The following TNR variants were observed in gnomAD, a reference collection of about 807,000 sequenced individuals.
TNR encodes the protein tenascin-R.
Under a neutral mutation model 150.4 loss-of-function variants are expected in TNR, and 45 were observed. The ratio of observed to expected loss-of-function variants is 0.30; its 90% confidence interval spans 0.24 to 0.38. TNR has a LOEUF of 0.38. Among genes scored for constraint, TNR ranks in the 10% least tolerant of loss-of-function variants. TNR has a pLI of 1.00. For synonymous variants in TNR, 687 were observed against 678.4 expected, an observed-to-expected ratio of 1.01 and a Z score of -0.20; for missense variants, 1,544 against 1,759.1, an observed-to-expected ratio of 0.88 and a Z score of 2.19.
intron 2 of TNR, among the ~76,000 whole-genome samples, chr1:175,426,414 C>T (rs1408010747): frequency 6.6e-6 from 1 of 152,152 alleles, no homozygotes; most frequent in African/African-American, 2.4e-5. Context: ...AGCCTCTGCA[C>T]TCTTATGACT....
At chr1:175,398,341 A>G (rs1217420057) in intron 4 of TNR, among the ~76,000 whole-genome samples, 3 of 152,266 alleles carry the variant, frequency 2.0e-5, no homozygotes, top group Non-Finnish European at 4.4e-5. Context: ...CAAAACAAAA[A>G]TTAAAAAAAA....
intron 7 of TNR, among the ~76,000 whole-genome samples, chr1:175,387,104 C>T (rs1220675258): frequency 5.9e-5 from 9 of 152,220 alleles, no homozygotes; most frequent in Non-Finnish European, 8.8e-5. Flanking sequence ...TCCTGCAGGG[C>T]CCACCAGCTG....
At position 175,334,607 on chromosome 1, in the gene TNR, CAT is replaced by C. The variant is rs556985646; in HGVS notation, c.3631+1102_3631+1103del. The stretch of plus-strand genomic sequence containing the variant: ...AGTGACCCCACCTGGACCAGTGACA[CAT>C]GACTCAACTGGGCCTGCAGCCCCCA... On this transcript the variant is annotated intron_variant, in intron 20 of 22. Coordinates refer to ENST00000367674, the MANE Select transcript of TNR (RefSeq NM_003285.3). Among the ~76,000 whole-genome samples, 128 of 152,338 alleles carry C rather than the reference CAT, an allele frequency of 8.4e-4. 2 individuals carry two copies. The highest frequency in any genetic ancestry group is 3.0e-3 in the African/African-American group (123 of 41,574).
intron 2 of TNR, among the ~76,000 whole-genome samples, chr1:175,510,737 T>G (rs1659135860): frequency 6.6e-6 from 1 of 152,220 alleles, no homozygotes; most frequent in Non-Finnish European, 1.5e-5. Flanking sequence ...GTTTATTCTA[T>G]AAATCCAGGA....
chr1:175,456,690 A>C (rs965946885), intron 2 of TNR, among the ~76,000 whole-genome samples: 1 of 152,184 alleles, frequency 6.6e-6, no homozygotes, highest in Non-Finnish European at 1.5e-5. Flanking sequence ...AACAAAATGT[A>C]TGGCCCATGT....
At chr1:175,338,809 C>T (rs1325806877) in intron 18 of TNR, among the ~76,000 whole-genome samples, 1 of 152,120 alleles carries the variant, frequency 6.6e-6, no homozygotes, top group African/African-American at 2.4e-5. Context: ...ACCTAAGACC[C>T]CATCATAGAT....
At chr1:175,652,063 G>A (rs543844986) in intron 1 of TNR, among the ~76,000 whole-genome samples, 1 of 148,720 alleles carries the variant, frequency 6.7e-6, no homozygotes, top group South Asian at 2.1e-4. Flanking sequence ...TCTGATAAAA[G>A]CTATATACTA....
chr1:175,721,443 A>G (rs2101944552), intron 1 of TNR, among the ~76,000 whole-genome samples: 1 of 152,274 alleles, frequency 6.6e-6, no homozygotes, highest in Admixed American at 6.5e-5. Flanking sequence ...TGGGGCAGTA[A>G]ACGTGTACTG....
At chr1:175,353,851 A>ATTTTTTATTTTT (rs1651187572) in intron 18 of TNR, among the ~76,000 whole-genome samples, 1 of 146,138 alleles carries the variant, frequency 6.8e-6, no homozygotes, top group African/African-American at 2.6e-5. Flanking sequence ...ATTTTTATTT[A>ATTTTTTATTTTT]TTTTTTTTTT....
At chr1:175,627,481 G>A (rs1044915402) in intron 1 of TNR, among the ~76,000 whole-genome samples, 2 of 152,042 alleles carry the variant, frequency 1.3e-5, no homozygotes, top group African/African-American at 4.8e-5. Flanking sequence ...TCAGAAAGAC[G>A]GAGTTCAAAT....
At chr1:175,476,842 G>A (rs927489350) in intron 2 of TNR, among the ~76,000 whole-genome samples, 3 of 152,194 alleles carry the variant, frequency 2.0e-5, no homozygotes, top group Non-Finnish European at 4.4e-5. Context: ...CAGAATGTGG[G>A]TGAGGGCAGC....
chr1:175,622,605 C>A (rs1316709561), intron 1 of TNR, among the ~76,000 whole-genome samples: 1 of 152,212 alleles, frequency 6.6e-6, no homozygotes, highest in African/African-American at 2.4e-5. Context: ...ATGGGCATCT[C>A]TTCCTCTGGG....
chr1:175,711,151 T>C (rs1014215952), intron 1 of TNR, among the ~76,000 whole-genome samples: 1 of 152,152 alleles, frequency 6.6e-6, no homozygotes, highest in Non-Finnish European at 1.5e-5. Context: ...AAGTAGACTA[T>C]ATACTATGCC....
chr1:175,455,708 G>A (rs577918979), intron 2 of TNR, among the ~76,000 whole-genome samples: 2 of 152,186 alleles, frequency 1.3e-5, no homozygotes, highest in Admixed American at 1.3e-4. Flanking sequence ...GGAGACATTC[G>A]AGGAAGAGAG....
chr1:175,544,453 T>C (rs1018651512), intron 1 of TNR, among the ~76,000 whole-genome samples: 1 of 152,194 alleles, frequency 6.6e-6, no homozygotes, highest in African/African-American at 2.4e-5. Flanking sequence ...TTTAAACATT[T>C]GGGTTAAAAA....
intron 7 of TNR, among the ~76,000 whole-genome samples, chr1:175,387,760 A>T (rs997539531): frequency 2.0e-5 from 3 of 152,014 alleles, no homozygotes; most frequent in Non-Finnish European, 4.4e-5. Context: ...CCCACCTCCT[A>T]CTCTGTCTCC....
intron 10 of TNR, 127 bp downstream of exon 10, chr1:175,367,081 G>A (rs766687787): frequency 1.3e-6 from 1 of 754,744 alleles, no homozygotes; most frequent in Non-Finnish European, 2.2e-6. Context: ...TAGGCTGACA[G>A]TTGTCACCAG....
intron 9 of TNR, among the ~76,000 whole-genome samples, chr1:175,378,305 C>CATTA (rs1258329811): frequency 2.1e-5 from 1 of 47,888 alleles, no homozygotes; most frequent in African/African-American, 1.2e-4. Flanking sequence ...TCTGCAGCTT[C>CATTA]ATTCATTCAT....
intron 1 of TNR, among the ~76,000 whole-genome samples, chr1:175,584,551 G>T (rs1662491476): frequency 6.6e-6 from 1 of 152,166 alleles, no homozygotes; most frequent in South Asian, 2.1e-4. Flanking sequence ...TAGGTGGCCT[G>T]CAAGGTTTGA....
Sources: gnomAD v4.1 joint callset for allele counts (sites outside exome capture counted in the v4.1 genomes callset) on GRCh38, gnomAD v4.1.1 for gene constraint, MANE v1.5 for transcripts, NCBI Gene and HGNC (gene_info 2026-07-23, HGNC 2026-07-21) for gene names.